The following CSMD2 variants were observed in gnomAD, a reference collection of about 807,000 sequenced individuals.
CSMD2 encodes the protein CUB and Sushi multiple domains 2, also known as CUB and sushi domain-containing protein 2.
In CSMD2, 130 loss-of-function variants were observed where a neutral mutation model predicts 398.5. The ratio of observed to expected loss-of-function variants is 0.33; its 90% confidence interval spans 0.28 to 0.38. The LOEUF is 0.38. Among genes scored for constraint, CSMD2 ranks in the 10% least tolerant of loss-of-function variants. The pLI, the probability that CSMD2 is intolerant of heterozygous loss-of-function variation, is 1.00. For synonymous variants in CSMD2, 1,828 were observed against 1,908.5 expected (o/e 0.96, Z 1.10); for missense variants, 3,829 against 4,764.9 (o/e 0.80, Z 5.78).
At chr1:34,074,959 G>A (rs902371360) in intron 2 of CSMD2, among the ~76,000 whole-genome samples, 1 of 152,224 alleles carries the variant, frequency 6.6e-6, no homozygotes, top group Non-Finnish European at 1.5e-5. Context: ...CCAAGGCGAG[G>A]TCAGGTTCCC....
In CSMD2 at chr1:33,663,046, G is replaced by A. The variant is rs775833438; in HGVS notation, c.4099C>T (p.Arg1367Cys). ...FDTEEVHDVL[R>C]IWDGPVESGV... The stretch of plus-strand genomic sequence containing the variant: ...CTCTCCACAGGCCCATCCCAGATGC[G>A]CAGCACGTCGTGAACCTCCTCTGTG... The change falls in exon 26 of 71, where the codon CGC becomes TGC. Residue 1367 changes from arginine to cysteine, a missense_variant. Coordinates refer to ENST00000373381, the MANE Select transcript of CSMD2 (RefSeq NM_001281956.2). The A allele has an allele frequency of 1.5e-5, 24 of 1,613,986 alleles. No homozygotes were observed. Among genetic ancestry groups the A allele is most frequent in the South Asian group, 8.8e-5 (8 of 91,080 alleles).
chr1:33,976,565 C>A (rs1258870390), intron 3 of CSMD2, among the ~76,000 whole-genome samples: 3 of 152,146 alleles, frequency 2.0e-5, no homozygotes, highest in East Asian at 3.9e-4. Context: ...GATCAGGAAT[C>A]CCTGACCCAA....
intron 62 of CSMD2, among the ~76,000 whole-genome samples, chr1:33,536,368 C>T (rs139590300): frequency 3.3e-5 from 5 of 152,156 alleles, no homozygotes; most frequent in Admixed American, 6.5e-5. Flanking sequence ...GGACTACAGG[C>T]GCCCGCCACC....
chr1:33,721,654 T>C (rs974257764), intron 19 of CSMD2, among the ~76,000 whole-genome samples: 1 of 152,164 alleles, frequency 6.6e-6, no homozygotes, highest in Admixed American at 6.5e-5. Flanking sequence ...CGGACAATCC[T>C]GGGCCTCACC....
intron 22 of CSMD2, among the ~76,000 whole-genome samples, chr1:33,705,879 T>C (rs1393867403): frequency 2.6e-5 from 4 of 152,044 alleles, no homozygotes; most frequent in African/African-American, 9.7e-5. Flanking sequence ...ATATTACATA[T>C]TTGTGGCTTC....
chr1:33,822,668 C>T (rs192993683), intron 7 of CSMD2, among the ~76,000 whole-genome samples: 18 of 152,270 alleles, frequency 1.2e-4, no homozygotes, highest in Non-Finnish European at 4.4e-5. Context: ...GTGCCATTCC[C>T]GAAGCAGAGG....
chr1:34,154,493 G>A (rs1640620206), intron 1 of CSMD2, among the ~76,000 whole-genome samples: 4 of 152,172 alleles, frequency 2.6e-5, no homozygotes, highest in Admixed American at 2.6e-4. Flanking sequence ...TAAGCTAGAT[G>A]GCTATCCTCA....
At chr1:34,145,571 G>C (rs1465654852) in intron 1 of CSMD2, among the ~76,000 whole-genome samples, 1 of 152,226 alleles carries the variant, frequency 6.6e-6, no homozygotes, top group African/African-American at 2.4e-5. Flanking sequence ...CACAGAAATA[G>C]AAATGGGGAA....
At chr1:33,568,575 A>G (rs1226021251) in intron 52 of CSMD2, among the ~76,000 whole-genome samples, 1 of 152,232 alleles carries the variant, frequency 6.6e-6, no homozygotes, top group Non-Finnish European at 1.5e-5. Context: ...TGTTGAAACA[A>G]CTATGTAAAA....
rs1438761237 is a variant in CSMD2, at chr1:33,632,404, G to A, written c.5200+1018C>T. Among the ~76,000 whole-genome samples, 7 of 151,902 alleles carry A rather than the reference G, an allele frequency of 4.6e-5. No individual in the cohort carries two copies. In the East Asian group the frequency reaches 1.2e-3, roughly 25 times the overall value. On this transcript the variant is annotated intron_variant, in intron 32 of 70. Coordinates refer to ENST00000373381, the MANE Select transcript of CSMD2 (RefSeq NM_001281956.2). ...ATATTTATGTAGCTTATAAAATATG[G>A]AGCTCTACTCAATAAATAAGAAAAT...
intron 1 of CSMD2, among the ~76,000 whole-genome samples, chr1:34,158,721 G>A (rs1323541097): frequency 6.6e-6 from 1 of 152,192 alleles, no homozygotes; most frequent in Non-Finnish European, 1.5e-5. Flanking sequence ...AATGGGCCCA[G>A]CACTGTAACA....
chr1:33,991,227 G>A (rs11585918), intron 3 of CSMD2, among the ~76,000 whole-genome samples: 10,339 of 152,054 alleles, frequency 0.068, 878 homozygotes, highest in East Asian at 0.39. Context: ...AGCTGGCATG[G>A]AACTCCTGGC....
chr1:33,730,701 C>A (rs566069725), intron 15 of CSMD2, among the ~76,000 whole-genome samples: 1 of 151,596 alleles, frequency 6.6e-6, no homozygotes, highest in Non-Finnish European at 1.5e-5. Context: ...GACTCTTAGG[C>A]ATGTCCTATG....
rs191312215 is a variant in CSMD2 at position 33,823,530 on chromosome 1, C to T, written c.1111+2167G>A. On this transcript the variant is annotated intron_variant, in intron 7 of 70. Coordinates refer to ENST00000373381, the MANE Select transcript of CSMD2 (RefSeq NM_001281956.2). ...CTCTACTCTGGGAGGGCCACTATGG[C>T]AAGGGAGAAGCCGCAATGTGCTCAG... Among the ~76,000 whole-genome samples the T allele has an allele frequency of 5.0e-4, 76 of 152,102 alleles. No homozygotes were observed. In the East Asian group the frequency reaches 0.013, roughly 26 times the overall value.
intron 5 of CSMD2, among the ~76,000 whole-genome samples, chr1:33,908,280 A>G (rs1197335031): frequency 6.6e-6 from 1 of 152,196 alleles, no homozygotes; most frequent in African/African-American, 2.4e-5. Context: ...ACATGAAAAC[A>G]GAGACCAGGA....
At chr1:34,053,339 T>C (rs893860317) in intron 2 of CSMD2, among the ~76,000 whole-genome samples, 3 of 152,176 alleles carry the variant, frequency 2.0e-5, no homozygotes, top group African/African-American at 7.2e-5. Flanking sequence ...GTAGCCTGTC[T>C]GGGAAAGACT....
rs1218875060 is a variant in CSMD2, at chr1:34,163,477, G to C, written c.187+1434C>G. Among the ~76,000 whole-genome samples the C allele has an allele frequency of 6.6e-6, 1 of 152,164 alleles. No homozygotes were observed. Among genetic ancestry groups the C allele is most frequent in the Non-Finnish European group, 1.5e-5 (1 of 68,036 alleles). On this transcript the variant is annotated intron_variant, in intron 1 of 70. Coordinates refer to ENST00000373381, the MANE Select transcript of CSMD2 (RefSeq NM_001281956.2). The surrounding 1 kb of genome is among the most constrained non-coding windows in gnomAD (Gnocchi z 5.4). ...AAGAACCCCAACATGCCGCGGTTAA[G>C]CGGTGGGCGACACGGTCTGCGAGGA...
At chr1:33,889,571 A>G (rs1333442637) in intron 5 of CSMD2, among the ~76,000 whole-genome samples, 1 of 152,192 alleles carries the variant, frequency 6.6e-6, no homozygotes, top group Non-Finnish European at 1.5e-5. Flanking sequence ...ACTGAGGTAT[A>G]TTCATGATGA....
chr1:33,587,105 TTC>T lies in CSMD2; in HGVS notation c.6918_6919del (p.Asn2307Ter). ...GGTGGTACCTATATTGAATTCTTCA[TTC>T]TCTGTGACGACTTCGGCGTTGGGGA... On this transcript the variant is annotated frameshift_variant, in exon 45 of 71. Coordinates refer to ENST00000373381, the MANE Select transcript of CSMD2 (RefSeq NM_001281956.2). LOFTEE classifies it high-confidence loss of function. 6.2e-7 allele frequency: 1 copy of T among 1,607,586 alleles called. No homozygotes were observed. Among genetic ancestry groups the T allele is most frequent in the Non-Finnish European group, 8.5e-7 (1 of 1,177,248 alleles).
Sources: gnomAD v4.1 joint callset for allele counts (sites outside exome capture counted in the v4.1 genomes callset) on GRCh38, gnomAD v4.1.1 for gene constraint, Gnocchi (gnomAD v3.1) non-coding constraint, MANE v1.5 for transcripts, NCBI Gene and HGNC (gene_info 2026-07-23, HGNC 2026-07-21) for gene names.